MEIS2: variants seen among roughly 807,000 people sequenced by gnomAD.
MEIS2 encodes the protein Meis homeobox 2.
Under a neutral mutation model 58.6 loss-of-function variants are expected in MEIS2, and 9 were observed. The observed-to-expected ratio is 0.15, with a 90% CI of 0.09 to 0.27. The LOEUF is 0.27. MEIS2 is among the 10% of genes least tolerant of loss of function. The pLI, the probability that MEIS2 is intolerant of heterozygous loss-of-function variation, is 1.00. For missense variants in MEIS2, 427 were observed against 635.0 expected (o/e 0.67, Z 3.52); for synonymous variants, 221 against 228.4 (o/e 0.97, Z 0.29).
chr15:36,911,125 C>T (rs765624989), intron 9 of MEIS2, among the ~76,000 whole-genome samples: 2 of 149,462 alleles, frequency 1.3e-5, no homozygotes, highest in East Asian at 3.9e-4. Flanking sequence ...TAAATGTTTT[C>T]TCTACCTTTT....
intron 8 of MEIS2, among the ~76,000 whole-genome samples, chr15:37,019,612 G>A (rs921659104): frequency 2.0e-5 from 3 of 152,134 alleles, no homozygotes; most frequent in Admixed American, 6.5e-5. Context: ...GAGCCCCAAA[G>A]AGAAAGCAAA....
intron 8 of MEIS2, among the ~76,000 whole-genome samples, chr15:37,002,838 A>C (rs2060782230): frequency 6.6e-6 from 1 of 152,164 alleles, no homozygotes; most frequent in African/African-American, 2.4e-5. Context: ...GTGAAAACTA[A>C]AGTTTTTATT....
rs1567303321 is a variant in MEIS2 at position 37,099,674 on chromosome 15, CT to C, written c.-209del. ...TTTTTCTGTGATATTTCTTCTTTTTCTCTTTTTTCCTCTTCTTCCTCCTCCT... is the reference window on the plus strand; with the variant it reads ...TTTTTCTGTGATATTTCTTCTTTTTCCTTTTTTCCTCTTCTTCCTCCTCCT... On this transcript the variant is annotated 5_prime_UTR_variant, in exon 1 of 12. Transcript: ENST00000561208. The C allele has an allele frequency of 1.7e-6, 1 of 572,018 alleles. No homozygotes were observed. The highest frequency in any genetic ancestry group is 2.9e-6 in the Non-Finnish European group (1 of 341,512). 35.4% of individuals were successfully genotyped at this position (572,018 alleles called of 1,614,324 possible).
chr15:37,050,017 T>C (rs1321633477), intron 7 of MEIS2, among the ~76,000 whole-genome samples: 1 of 152,214 alleles, frequency 6.6e-6, no homozygotes, highest in Non-Finnish European at 1.5e-5. Flanking sequence ...ATTACAAAGA[T>C]ATGCATTATA....
intron 8 of MEIS2, among the ~76,000 whole-genome samples, chr15:37,012,333 T>G (rs2061193050): frequency 6.6e-6 from 1 of 152,230 alleles, no homozygotes; most frequent in South Asian, 2.1e-4. Context: ...CCCAGTGGTA[T>G]GGCCATGTTA....
intron 8 of MEIS2, among the ~76,000 whole-genome samples, chr15:36,977,640 T>C (rs928525498): frequency 2.0e-5 from 3 of 152,160 alleles, no homozygotes; most frequent in African/African-American, 7.2e-5. Flanking sequence ...TAAATATCAA[T>C]AAATATTAAC....
rs1387359744 is a variant in MEIS2 at position 36,963,122 on chromosome 15, C to G, written c.901-12722G>C. Among the ~76,000 whole-genome samples, 4 of 152,230 alleles carry G rather than the reference C, an allele frequency of 2.6e-5. No homozygotes were observed. In the East Asian group the frequency reaches 5.8e-4, roughly 22 times the overall value. ...AGGTGCTGTGGCTCACGCCTGTAATCCCAACACTTTGGGAGGCTGAGGTGG... is the reference window on the plus strand; with the variant it reads ...AGGTGCTGTGGCTCACGCCTGTAATGCCAACACTTTGGGAGGCTGAGGTGG... On this transcript the variant is annotated intron_variant, in intron 8 of 11. Transcript: ENST00000561208.
At chr15:36,916,771 A>G (rs1024971616) in intron 9 of MEIS2, among the ~76,000 whole-genome samples, 2 of 152,164 alleles carry the variant, frequency 1.3e-5, no homozygotes, top group African/African-American at 4.8e-5. Context: ...CATAATTCAT[A>G]ACTTGCTTTC....
chr15:36,929,376 ACTTC>A lies in MEIS2; in HGVS notation c.977+20944_977+20947del, dbSNP rs559025671. On this transcript the variant is annotated intron_variant, in intron 9 of 11. Coordinates refer to ENST00000561208, the MANE Select transcript of MEIS2 (RefSeq NM_170675.5). The stretch of plus-strand genomic sequence containing the variant: ...TCTGACCTGTGGGTATGGAGTATAA[ACTTC>A]CTTGTGCATGCAACTATTTTTCTCA... Among the ~76,000 whole-genome samples, 15 of 152,280 alleles carry A rather than the reference ACTTC, an allele frequency of 9.9e-5. No homozygotes were observed. The East Asian group carries it at 2.9e-3, about 29-fold the overall frequency.
rs2061937382 is a variant in MEIS2, at chr15:37,031,815, T to TGTGTGTG, written c.900+4998_900+4999insCACACAC. The stretch of plus-strand genomic sequence containing the variant: ...GCTGCATACATAATATTACATCACT[T>TGTGTGTG]TGTGTGTGTGTGTGTGTGTGTGTGT... On this transcript the variant is annotated intron_variant, in intron 8 of 11. Transcript: ENST00000561208. Among the ~76,000 whole-genome samples, 105 of 134,206 alleles carry TGTGTGTG rather than the reference T, an allele frequency of 7.8e-4. 1 individual carries two copies. Among genetic ancestry groups the TGTGTGTG allele is most frequent in the African/African-American group, 2.5e-3 (90 of 35,700 alleles). 88.0% of individuals were successfully genotyped at this position (134,206 alleles called of 152,430 possible).
intron 9 of MEIS2, among the ~76,000 whole-genome samples, chr15:36,907,914 A>G (rs1429847723): frequency 1.3e-5 from 1 of 77,922 alleles, no homozygotes; most frequent in African/African-American, 4.7e-5. Context: ...GGCATCTAGT[A>G]AAGGTGCCAA....
At chr15:36,922,338 G>A (rs895160781) in intron 9 of MEIS2, among the ~76,000 whole-genome samples, 3 of 152,098 alleles carry the variant, frequency 2.0e-5, no homozygotes, top group African/African-American at 4.8e-5. Flanking sequence ...AAAGTGCCCC[G>A]AAAACTGTAA....
rs562206978 is a variant in MEIS2, at chr15:37,027,727, C to A, written c.900+9087G>T. Among the ~76,000 whole-genome samples the A allele has an allele frequency of 5.9e-5, 9 of 151,992 alleles. No homozygotes were observed. The East Asian group carries it at 1.7e-3, about 29-fold the overall frequency. Reference sequence around the variant, plus strand: ...TTCTTTTTGATGGTAATTTAATAAGCCTTTCATTCTTCAATCTTTTCATTC... The same window carrying A: ...TTCTTTTTGATGGTAATTTAATAAGACTTTCATTCTTCAATCTTTTCATTC... On this transcript the variant is annotated intron_variant, in intron 8 of 11. Transcript: ENST00000561208.
chr15:36,972,586 T>C (rs908466134), intron 8 of MEIS2, among the ~76,000 whole-genome samples: 3 of 152,194 alleles, frequency 2.0e-5, no homozygotes, highest in African/African-American at 7.2e-5. Context: ...AATTCATTTA[T>C]GTGTCTTATG....
chr15:36,984,040 T>C (rs7181646), intron 8 of MEIS2, among the ~76,000 whole-genome samples: 3,133 of 152,200 alleles, frequency 0.021, 119 homozygotes, highest in African/African-American at 0.069. Context: ...CTTGGTGGTG[T>C]TTTCGATATA....
At chr15:37,021,168 C>G (rs1191327662) in intron 8 of MEIS2, among the ~76,000 whole-genome samples, 1 of 152,184 alleles carries the variant, frequency 6.6e-6, no homozygotes, top group Non-Finnish European at 1.5e-5. Flanking sequence ...CTAATATACT[C>G]TTCTACTAAA....
intron 7 of MEIS2, among the ~76,000 whole-genome samples, chr15:37,056,001 C>T (rs544998313): frequency 1.3e-5 from 2 of 152,168 alleles, no homozygotes; most frequent in Non-Finnish European, 2.9e-5. Flanking sequence ...CAAAATCACT[C>T]ACAACTAGTG....
chr15:37,085,979 A>C (rs1464691827), intron 6 of MEIS2, among the ~76,000 whole-genome samples: 2 of 152,248 alleles, frequency 1.3e-5, no homozygotes, highest in African/African-American at 4.8e-5. Context: ...AAGCAATAGC[A>C]TGGTGTGAGT....
At chr15:36,962,861 C>T (rs2059232869) in intron 8 of MEIS2, among the ~76,000 whole-genome samples, 1 of 152,184 alleles carries the variant, frequency 6.6e-6, no homozygotes, top group Admixed American at 6.5e-5. Flanking sequence ...GGCCTTTAGA[C>T]TCTAAGCAGA....
Sources: gnomAD v4.1 joint callset for allele counts (sites outside exome capture counted in the v4.1 genomes callset) on GRCh38, gnomAD v4.1.1 for gene constraint, MANE v1.5 for transcripts, NCBI Gene and HGNC (gene_info 2026-07-23, HGNC 2026-07-21) for gene names.